Variants in FAM227B observed in about 807,000 individuals in gnomAD.
FAM227B encodes the protein protein FAM227B.
In FAM227B, 88 loss-of-function variants were observed where a neutral mutation model predicts 73.8. That is an observed-to-expected ratio of 1.19 (90% CI 1.00 to 1.42). The LOEUF (loss-of-function observed/expected upper bound fraction) is 1.42, where lower values mean the gene tolerates loss of function less well. Ranked by LOEUF, FAM227B falls within the 40% of genes most tolerant of loss-of-function variation. FAM227B has a pLI of 0.00. For synonymous variants in FAM227B, 210 were observed against 190.5 expected (o/e 1.10, Z -0.84); for missense variants, 632 against 590.9 (o/e 1.07, Z -0.72).
At chr15:49,591,047 T>TTC (rs1465817248) in intron 3 of FAM227B, among the ~76,000 whole-genome samples, 1 of 134,378 alleles carries the variant, frequency 7.4e-6, no homozygotes, top group African/African-American at 2.8e-5. Context: ...TTTTTTTGAT[T>TTC]TTTTTTTTTT....
chr15:49,351,955 C>T (rs2042318647), intron 13 of FAM227B, among the ~76,000 whole-genome samples: 1 of 152,176 alleles, frequency 6.6e-6, no homozygotes, highest in Admixed American at 6.5e-5. Flanking sequence ...ATATTATTAC[C>T]TCTGTAGTTC....
chr15:49,508,442 C>T lies in FAM227B; in HGVS notation c.875-94G>A, dbSNP rs1045078366. On this transcript the variant is annotated intron_variant, in intron 10 of 15. Transcript: ENST00000299338. ...GCATTTTTATGATAATTATACATTT[C>T]ATCCTCACAACAAAAAAGTTCCTTT... 8.6e-6 allele frequency: 10 copies of T among 1,157,422 alleles called. No homozygotes were observed. In the African/African-American group the frequency reaches 1.4e-4, roughly 17 times the overall value. 71.7% of individuals were successfully genotyped at this position (1,157,422 alleles called of 1,614,324 possible).
intron 9 of FAM227B, among the ~76,000 whole-genome samples, 176 bp downstream of exon 9, chr15:49,568,069 C>G (rs898483646): frequency 1.3e-5 from 2 of 151,940 alleles, no homozygotes; most frequent in Non-Finnish European, 2.9e-5. Flanking sequence ...CCAGGGAATA[C>G]AATATTTTGA....
intron 13 of FAM227B, among the ~76,000 whole-genome samples, chr15:49,340,424 CT>C (rs1391682987): frequency 7.7e-6 from 1 of 129,952 alleles, no homozygotes; most frequent in African/African-American, 2.9e-5. Context: ...CCCCCCCCCG[CT>C]TTGCCTCGCC....
intron 2 of FAM227B, 112 bp from the exon 3 acceptor site, chr15:49,611,380 G>A (rs572271619): frequency 5.4e-5 from 30 of 553,340 alleles, no homozygotes; most frequent in African/African-American, 1.2e-4. Flanking sequence ...TTTTCAGAGC[G>A]GTAAGATATC....
Position 49,590,008 on chromosome 15 carries a change from C to T in FAM227B, c.106-1G>A. 1 of 1,484,992 alleles carries T rather than the reference C, an allele frequency of 6.7e-7. No homozygotes were observed. Among genetic ancestry groups the T allele is most frequent in the Non-Finnish European group, 9.4e-7 (1 of 1,067,812 alleles). The allele number at this position is 1,484,992 out of a possible 1,614,324, so 92.0% of individuals were successfully genotyped here. ...AATGGATTTCCCTTGGCCAATAATCCTGCAAAAAACGTGAAAGAGAGAATA... is the reference window on the plus strand; with the variant it reads ...AATGGATTTCCCTTGGCCAATAATCTTGCAAAAAACGTGAAAGAGAGAATA... On this transcript the variant is annotated splice_acceptor_variant, in intron 3 of 15. Coordinates refer to ENST00000299338, the MANE Select transcript of FAM227B (RefSeq NM_152647.3). LOFTEE classifies it high-confidence loss of function.
intron 11 of FAM227B, among the ~76,000 whole-genome samples, chr15:49,438,365 C>A (rs1244105784): frequency 6.6e-6 from 1 of 151,734 alleles, no homozygotes; most frequent in African/African-American, 2.4e-5. Context: ...GAACTACCCA[C>A]AAAGCAATGA....
intron 11 of FAM227B, among the ~76,000 whole-genome samples, chr15:49,491,677 T>C (rs1297370762): frequency 4.6e-5 from 7 of 151,526 alleles, no homozygotes; most frequent in Non-Finnish European, 1.0e-4. Context: ...TGAATCCTAT[T>C]GCACTCTAAT....
At chr15:49,468,004 A>G (rs1410563130) in intron 11 of FAM227B, among the ~76,000 whole-genome samples, 1 of 152,184 alleles carries the variant, frequency 6.6e-6, no homozygotes, top group Non-Finnish European at 1.5e-5. Flanking sequence ...ATTCTGATAT[A>G]GTTCTAACGC....
intron 1 of FAM227B, among the ~76,000 whole-genome samples, chr15:49,619,703 C>G (rs2078546316): frequency 6.6e-6 from 1 of 152,176 alleles, no homozygotes; most frequent in Admixed American, 6.5e-5. Context: ...GCTTTTTAAT[C>G]TGTGCAATTT....
At chr15:49,446,021 C>T (rs565566952) in intron 11 of FAM227B, among the ~76,000 whole-genome samples, 2 of 151,406 alleles carry the variant, frequency 1.3e-5, no homozygotes, top group African/African-American at 4.8e-5. Flanking sequence ...GACATATTTA[C>T]AATGTTAGTT....
chr15:49,519,787 T>C (rs1164536003), intron 10 of FAM227B, among the ~76,000 whole-genome samples: 3 of 152,156 alleles, frequency 2.0e-5, no homozygotes, highest in Non-Finnish European at 4.4e-5. Context: ...ATTTTCCCCA[T>C]TGTCTTAGCA....
intron 11 of FAM227B, among the ~76,000 whole-genome samples, chr15:49,457,892 C>T (rs1028144329): frequency 6.6e-6 from 1 of 151,852 alleles, no homozygotes; most frequent in African/African-American, 2.4e-5. Context: ...CATTTTTGTG[C>T]TAATTTTAGC....
chr15:49,329,228 T>G, intron 15 of FAM227B: 1 of 986,190 alleles, frequency 1.0e-6, no homozygotes, highest in Non-Finnish European at 1.2e-6. Context: ...TATTGATGGG[T>G]ATCTCTGTAT....
chr15:49,367,349 C>T (rs76388557), intron 13 of FAM227B, 99 bp downstream of exon 13: 37,007 of 1,057,240 alleles, frequency 0.035, 1,386 homozygotes, highest in African/African-American at 0.17. Context: ...ATTGATAAAA[C>T]ATGCATTCAA....
intron 10 of FAM227B, among the ~76,000 whole-genome samples, chr15:49,510,577 G>A (rs1284375666): frequency 1.3e-5 from 2 of 152,018 alleles, no homozygotes; most frequent in African/African-American, 4.8e-5. Flanking sequence ...CAATGTGCTC[G>A]AATCTGAACA....
At chr15:49,364,633 T>G (rs2044808671) in intron 13 of FAM227B, among the ~76,000 whole-genome samples, 1 of 152,192 alleles carries the variant, frequency 6.6e-6, no homozygotes, top group Non-Finnish European at 1.5e-5. Context: ...ATTCCAAAAT[T>G]TTATATTTCT....
At chr15:49,565,124 C>A (rs1352740731) in intron 9 of FAM227B, among the ~76,000 whole-genome samples, 2 of 152,030 alleles carry the variant, frequency 1.3e-5, no homozygotes, top group Non-Finnish European at 2.9e-5. Flanking sequence ...TAGTTCACAC[C>A]TGTAATCCCA....
intron 11 of FAM227B, among the ~76,000 whole-genome samples, chr15:49,426,962 G>A (rs893325197): frequency 4.6e-5 from 7 of 151,886 alleles, no homozygotes; most frequent in Admixed American, 3.3e-4. Context: ...TATTGGAGAA[G>A]GAGTCAGTAA....
Sources: gnomAD v4.1 joint callset for allele counts (sites outside exome capture counted in the v4.1 genomes callset) on GRCh38, gnomAD v4.1.1 for gene constraint, MANE v1.5 for transcripts, NCBI Gene and HGNC (gene_info 2026-07-23, HGNC 2026-07-21) for gene names.